PXDN: variants seen among roughly 807,000 people sequenced by gnomAD.
PXDN encodes the protein peroxidasin.
PXDN carries 77 observed loss-of-function variants against 140.3 expected under a neutral mutation model. The observed-to-expected ratio is 0.55, with a 90% CI of 0.46 to 0.66. The LOEUF is 0.66. PXDN is among the 30% of genes least tolerant of loss of function. The pLI is 0.00. For missense variants in PXDN, 1,838 were observed against 2,039.5 expected, an observed-to-expected ratio of 0.90 and a Z score of 1.90; for synonymous variants, 911 against 857.4, an observed-to-expected ratio of 1.06 and a Z score of -1.09.
chr2:1,728,924 C>T (rs1031545177), intron 1 of PXDN, among the ~76,000 whole-genome samples: 14 of 152,202 alleles, frequency 9.2e-5, no homozygotes, highest in African/African-American at 2.7e-4. Flanking sequence ...TTTTATTCAG[C>T]ATTCTGGGGC....
chr2:1,648,305 T>C lies in PXDN; in HGVS notation c.3475A>G (p.Ile1159Val). 2 of 1,613,788 alleles carry C rather than the reference T, an allele frequency of 1.2e-6. No homozygotes were observed. Among genetic ancestry groups the C allele is most frequent in the South Asian group, 2.2e-5 (2 of 91,072 alleles). ...TVALDLAAIN[I>V]QRGRDHGIPP... is the part of the protein sequence containing the mutation. ...ATCCCGTGGTCCCGGCCCCGCTGGA[T>C]GTTGATGGCCGCCAGGTCCAGAGCC... Residue 1159 changes from isoleucine (I) to valine (V), a missense_variant, in exon 17 of 23, where the codon ATC becomes GTC. Physicochemically the swap from Ile to Val is conservative, Grantham distance 29. Transcript: ENST00000252804. This position sits in a 1 kb window ranked among gnomAD's most constrained non-coding sequence, Gnocchi z 8.9.
intron 1 of PXDN, among the ~76,000 whole-genome samples, chr2:1,705,971 C>A (rs906566699): frequency 6.7e-6 from 1 of 148,756 alleles, no homozygotes; most frequent in Non-Finnish European, 1.5e-5. Flanking sequence ...ACTCCAGGCC[C>A]TGCCGCTCAG....
intron 1 of PXDN, among the ~76,000 whole-genome samples, chr2:1,719,746 C>G (rs567989649): frequency 1.3e-5 from 2 of 152,088 alleles, no homozygotes; most frequent in Admixed American, 6.5e-5. Context: ...TCCAGGAGGA[C>G]CAGGTCATGT....
chr2:1,671,773 T>C (rs1036417647), intron 9 of PXDN, among the ~76,000 whole-genome samples: 3 of 152,194 alleles, frequency 2.0e-5, no homozygotes, highest in African/African-American at 7.2e-5. Context: ...AGTTGGCCAT[T>C]TTTTTCTGTA....
rs556807825 is a variant in PXDN at position 1,739,129 on chromosome 2, T to A, written c.200+5127A>T. On this transcript the variant is annotated intron_variant, in intron 1 of 22. Coordinates refer to ENST00000252804, the MANE Select transcript of PXDN (RefSeq NM_012293.3). Reference sequence around the variant, plus strand: ...CCAGACCCAGTGGCAAGGCCTCCTGTCCACTCATGGACGTCTTGAAAACTG... The same window carrying A: ...CCAGACCCAGTGGCAAGGCCTCCTGACCACTCATGGACGTCTTGAAAACTG... 3.3e-5 allele frequency among the ~76,000 whole-genome samples: 5 copies of A among 151,660 alleles called. No individual in the cohort carries two copies. The South Asian group carries it at 8.3e-4, about 25-fold the overall frequency.
intron 1 of PXDN, among the ~76,000 whole-genome samples, chr2:1,719,846 G>A (rs974592411): frequency 6.7e-5 from 10 of 148,208 alleles, no homozygotes; most frequent in Non-Finnish European, 1.5e-4. Context: ...GTGTGTGTGT[G>A]TGTGTGTGTG....
At chr2:1,690,111 C>T (rs1030538658) in intron 3 of PXDN, among the ~76,000 whole-genome samples, 1 of 152,224 alleles carries the variant, frequency 6.6e-6, no homozygotes, top group Non-Finnish European at 1.5e-5. Flanking sequence ...TAAATCAGCA[C>T]TTATCAAATG....
chr2:1,697,697 C>T (rs1684330254), intron 1 of PXDN, among the ~76,000 whole-genome samples: 1 of 152,230 alleles, frequency 6.6e-6, no homozygotes, highest in South Asian at 2.1e-4. Context: ...GGGCTCCGTG[C>T]TCCCACCCCG....
chr2:1,728,122 A>T (rs1351774875), intron 1 of PXDN, among the ~76,000 whole-genome samples: 2 of 152,162 alleles, frequency 1.3e-5, no homozygotes, highest in Non-Finnish European at 2.9e-5. Flanking sequence ...TATTTTTTGT[A>T]GAGACGGGTC....
chr2:1,679,181 CGTGT>C (rs1030153004), intron 7 of PXDN, among the ~76,000 whole-genome samples: 4 of 128,342 alleles, frequency 3.1e-5, no homozygotes, highest in Admixed American at 7.9e-5. Context: ...GTGGTGTGTG[CGTGT>C]ATGTGCGTGT....
In PXDN at chr2:1,696,374, A is replaced by G. The variant is rs58612883; in HGVS notation, c.201-3240T>C. Among the ~76,000 whole-genome samples, 3,492 of 152,030 alleles carry G rather than the reference A, an allele frequency of 0.023. 273 individuals carry two copies. The East Asian group carries it at 0.29, about 13-fold the overall frequency. ...GCTCTAAGGCAGAGCACCAAAAAAG[A>G]CTTCTACTATGAAGAGGGTAAAACA... is the stretch of plus-strand genomic sequence containing the variant. On this transcript the variant is annotated intron_variant, in intron 1 of 22. Coordinates refer to ENST00000252804, the MANE Select transcript of PXDN (RefSeq NM_012293.3).
At position 1,633,203 on chromosome 2, in the gene PXDN, G is replaced by T. The variant is rs1682458593; in HGVS notation, c.*1001C>A. The T allele has an allele frequency of 1.4e-5, 2 of 138,618 alleles. No homozygotes were observed. Among genetic ancestry groups the T allele is most frequent in the Admixed American group, 1.5e-4 (2 of 12,908 alleles). The allele number at this position is 138,618 out of a possible 1,614,324, so 8.6% of individuals were successfully genotyped here. On this transcript the variant is annotated 3_prime_UTR_variant, in exon 23 of 23. Coordinates refer to ENST00000252804, the MANE Select transcript of PXDN (RefSeq NM_012293.3). ...TTTTTTTAACGCACTCACACAACCTGAAGTTAGACAGTTCCCGACACTTGA... is the reference window on the plus strand; with the variant it reads ...TTTTTTTAACGCACTCACACAACCTTAAGTTAGACAGTTCCCGACACTTGA...
At chr2:1,713,710 C>T (rs959972764) in intron 1 of PXDN, among the ~76,000 whole-genome samples, 12 of 152,176 alleles carry the variant, frequency 7.9e-5, no homozygotes, top group Non-Finnish European at 1.6e-4. Flanking sequence ...GCAGTGCCTC[C>T]GGAGCATGGG....
chr2:1,640,069 T>C (rs1682686551), intron 19 of PXDN, among the ~76,000 whole-genome samples: 1 of 143,656 alleles, frequency 7.0e-6, no homozygotes, highest in African/African-American at 2.6e-5. Context: ...CTCAGTGCCG[T>C]GTCCCTCCTG....
chr2:1,725,050 A>G (rs555542607), intron 1 of PXDN, among the ~76,000 whole-genome samples: 1 of 152,312 alleles, frequency 6.6e-6, no homozygotes, highest in African/African-American at 2.4e-5. Context: ...TCAATGTTTT[A>G]TAGTTTTTAG....
intron 1 of PXDN, among the ~76,000 whole-genome samples, chr2:1,743,855 A>C (rs1203040086): frequency 4.6e-5 from 5 of 108,362 alleles, no homozygotes; most frequent in Non-Finnish European, 9.2e-5. Context: ...GGGAAAGGTG[A>C]GCGGAGGAGG....
At chr2:1,686,694 G>A (rs894660382) in intron 4 of PXDN, among the ~76,000 whole-genome samples, 3 of 152,036 alleles carry the variant, frequency 2.0e-5, no homozygotes, top group East Asian at 1.9e-4. Context: ...ATCTACCCAC[G>A]CCCTGTCCAC....
chr2:1,727,497 C>T (rs2125486754), intron 1 of PXDN, among the ~76,000 whole-genome samples: 1 of 152,356 alleles, frequency 6.6e-6, no homozygotes, highest in East Asian at 1.9e-4. Context: ...GGTGCGGTCA[C>T]GTCCTCAAGG....
At chr2:1,681,523 G>A (rs1004310720) in intron 6 of PXDN, among the ~76,000 whole-genome samples, 4 of 150,968 alleles carry the variant, frequency 2.6e-5, no homozygotes, top group Non-Finnish European at 5.9e-5. Flanking sequence ...TCACCAGGGC[G>A]GCAGCGTGAG....
Sources: gnomAD v4.1 joint callset for allele counts (sites outside exome capture counted in the v4.1 genomes callset) on GRCh38, gnomAD v4.1.1 for gene constraint, Gnocchi (gnomAD v3.1) non-coding constraint, MANE v1.5 for transcripts, NCBI Gene and HGNC (gene_info 2026-07-23, HGNC 2026-07-21) for gene names.